LUZP2: variants seen among roughly 807,000 people sequenced by gnomAD.
LUZP2 encodes the protein leucine zipper protein 2.
A neutral mutation model predicts 51.6 loss-of-function variants in LUZP2; 52 were observed. That is an observed-to-expected ratio of 1.01 (90% CI 0.81 to 1.27). The LOEUF (loss-of-function observed/expected upper bound fraction) is 1.27. Ranked by LOEUF, LUZP2 falls within the 50% of genes most tolerant of loss-of-function variation. The pLI is 0.00. For missense variants in LUZP2, 436 were observed against 395.4 expected (o/e 1.10, Z -0.87); for synonymous variants, 154 against 137.3 (o/e 1.12, Z -0.85).
intron 1 of LUZP2, among the ~76,000 whole-genome samples, chr11:24,695,620 G>A (rs1857223851): frequency 6.6e-6 from 1 of 151,950 alleles, no homozygotes; most frequent in Admixed American, 6.6e-5. Context: ...GAAGAGATGG[G>A]AGTATCTTCC....
At chr11:24,656,309 T>C (rs890146489) in intron 1 of LUZP2, among the ~76,000 whole-genome samples, 1 of 152,184 alleles carries the variant, frequency 6.6e-6, no homozygotes, top group African/African-American at 2.4e-5. Flanking sequence ...ATTTATATTC[T>C]TAAGAGGAAA....
rs1182999337 is a variant in LUZP2, at chr11:24,680,526, G to T, written c.63-48643G>T. 1.3e-5 allele frequency among the ~76,000 whole-genome samples: 2 copies of T among 152,110 alleles called. 1 individual carries two copies. Among genetic ancestry groups the T allele is most frequent in the South Asian group, 4.1e-4 (2 of 4,822 alleles). The stretch of plus-strand genomic sequence containing the variant: ...GAAATGATCAATGCACTGAAGGTAG[G>T]TGTCTCAATGTCATACAGGGAATGA... On this transcript the variant is annotated intron_variant, in intron 1 of 11. Coordinates refer to ENST00000336930, the MANE Select transcript of LUZP2 (RefSeq NM_001009909.4).
chr11:25,025,537 A>C (rs1416256245), intron 9 of LUZP2, among the ~76,000 whole-genome samples: 1 of 152,232 alleles, frequency 6.6e-6, no homozygotes, highest in East Asian at 1.9e-4. Context: ...CAACAGACAC[A>C]TGAAAAAATG....
chr11:25,049,932 ATAT>A (rs764005183), intron 9 of LUZP2, 103 bp from the exon 10 acceptor site: 237 of 498,070 alleles, frequency 4.8e-4, no homozygotes, highest in Non-Finnish European at 6.2e-4. Context: ...TGTTGCTATA[ATAT>A]TATATCATGT....
At chr11:24,642,304 T>C (rs1200269400) in intron 1 of LUZP2, among the ~76,000 whole-genome samples, 4 of 151,048 alleles carry the variant, frequency 2.6e-5, no homozygotes, top group African/African-American at 9.8e-5. Flanking sequence ...GATCTCCTGA[T>C]TTTTTTTTCA....
At chr11:24,730,139 G>A (rs1279352365) in intron 2 of LUZP2, among the ~76,000 whole-genome samples, 1 of 151,192 alleles carries the variant, frequency 6.6e-6, no homozygotes, top group Non-Finnish European at 1.5e-5. Context: ...GATGGTGGTA[G>A]TGGTGGTGGT....
chr11:24,874,082 C>A (rs1852170399), intron 5 of LUZP2, among the ~76,000 whole-genome samples: 1 of 152,112 alleles, frequency 6.6e-6, no homozygotes, highest in South Asian at 2.1e-4. Flanking sequence ...TCCATTTATT[C>A]TTCCAGCTTT....
At chr11:24,901,766 G>A (rs1279666672) in intron 5 of LUZP2, among the ~76,000 whole-genome samples, 1 of 152,060 alleles carries the variant, frequency 6.6e-6, no homozygotes, top group African/African-American at 2.4e-5. Context: ...GCTCCCATTA[G>A]TAGTTTTCTA....
At chr11:25,072,547 A>G (rs1859187660) in intron 10 of LUZP2, among the ~76,000 whole-genome samples, 1 of 152,148 alleles carries the variant, frequency 6.6e-6, no homozygotes, top group Non-Finnish European at 1.5e-5. Context: ...TGGAAGCAAA[A>G]GTTACTGCAA....
intron 4 of LUZP2, among the ~76,000 whole-genome samples, chr11:24,753,465 C>T (rs1859665808): frequency 6.6e-6 from 1 of 152,052 alleles, no homozygotes; most frequent in African/African-American, 2.4e-5. Flanking sequence ...TTATGATCCA[C>T]AAACAGAAAG....
chr11:24,644,188 A>G (rs1855396396), intron 1 of LUZP2, among the ~76,000 whole-genome samples: 1 of 152,142 alleles, frequency 6.6e-6, no homozygotes, highest in Non-Finnish European at 1.5e-5. Flanking sequence ...CACACTCTTT[A>G]GCCAGCACTC....
intron 1 of LUZP2, among the ~76,000 whole-genome samples, chr11:24,583,706 CTTTT>C (rs34143667): frequency 1.4e-5 from 2 of 141,342 alleles, no homozygotes; most frequent in Non-Finnish European, 3.1e-5. Context: ...GTATACCTTA[CTTTT>C]TTTTTTTTTT....
At chr11:24,950,883 C>T (rs1200268593) in intron 7 of LUZP2, among the ~76,000 whole-genome samples, 1 of 151,466 alleles carries the variant, frequency 6.6e-6, no homozygotes, top group Non-Finnish European at 1.5e-5. Context: ...ACATCTGTCA[C>T]ATGAAAAATC....
intron 1 of LUZP2, among the ~76,000 whole-genome samples, chr11:24,658,163 G>T (rs1855878945): frequency 6.6e-6 from 1 of 152,158 alleles, no homozygotes; most frequent in Non-Finnish European, 1.5e-5. Flanking sequence ...CACGCTACCT[G>T]ACTTCAAACT....
chr11:24,807,271 C>T (rs1849883114), intron 5 of LUZP2, among the ~76,000 whole-genome samples: 1 of 151,948 alleles, frequency 6.6e-6, no homozygotes, highest in Non-Finnish European at 1.5e-5. Flanking sequence ...TGAAACCAGC[C>T]TGACTAACAC....
Position 24,594,742 on chromosome 11 carries a change from T to C in LUZP2, c.62+97437T>C, listed in dbSNP as rs1019085856. ...GAAAATTGGCATTCAATATAGCGGTTTGGGACACTTTTTTTTTTTTTTTTT... is the reference window on the plus strand; with the variant it reads ...GAAAATTGGCATTCAATATAGCGGTCTGGGACACTTTTTTTTTTTTTTTTT... On this transcript the variant is annotated intron_variant, in intron 1 of 11. Coordinates refer to ENST00000336930, the MANE Select transcript of LUZP2 (RefSeq NM_001009909.4). Among the ~76,000 whole-genome samples, 3 of 149,408 alleles carry C rather than the reference T, an allele frequency of 2.0e-5. No individual in the cohort carries two copies. In the Admixed American group the frequency reaches 2.1e-4, roughly 10 times the overall value.
intron 9 of LUZP2, among the ~76,000 whole-genome samples, chr11:25,030,938 TTATATATATTATATATATAATACAATA>T (rs1857644644): frequency 1.5e-3 from 2 of 1,368 alleles, no homozygotes; most frequent in East Asian, 0.038. Flanking sequence ...ATAATATATA[TTATATATATTATATATATAATACAATA>T]TATATTATAT....
chr11:24,943,269 T>TA (rs1273268933), intron 7 of LUZP2, among the ~76,000 whole-genome samples: 2 of 152,188 alleles, frequency 1.3e-5, no homozygotes, highest in Non-Finnish European at 2.9e-5. Context: ...TAGACTGGGG[T>TA]AATTCATAGT....
Position 24,929,369 on chromosome 11 carries a change from C to T in LUZP2, c.522+14831C>T, listed in dbSNP as rs545439623. Among the ~76,000 whole-genome samples the T allele has an allele frequency of 5.9e-5, 9 of 152,106 alleles. No individual in the cohort carries two copies. The East Asian group carries it at 1.7e-3, about 29-fold the overall frequency. On this transcript the variant is annotated intron_variant, in intron 7 of 11. Coordinates refer to ENST00000336930, the MANE Select transcript of LUZP2 (RefSeq NM_001009909.4). ...GTAGGCATTTAATGCTATGAACTTT[C>T]CTCTTATTACTGCCTTTGCTGTATC...
Sources: gnomAD v4.1 joint callset for allele counts (sites outside exome capture counted in the v4.1 genomes callset) on GRCh38, gnomAD v4.1.1 for gene constraint, MANE v1.5 for transcripts, NCBI Gene and HGNC (gene_info 2026-07-23, HGNC 2026-07-21) for gene names.